Variants in AFF3 observed in about 807,000 individuals in gnomAD.
The protein encoded by AFF3 is AF4/FMR2 family member 3.
A neutral mutation model predicts 129.7 loss-of-function variants in AFF3; 32 were observed. The ratio of observed to expected loss-of-function variants is 0.25; its 90% confidence interval spans 0.19 to 0.33. AFF3 has a LOEUF of 0.33. Ranked by LOEUF, AFF3 falls within the 10% of genes least tolerant of loss-of-function variation. The pLI is 1.00. For missense variants in AFF3, 1,373 were observed against 1,592.0 expected (o/e 0.86, Z 2.34); for synonymous variants, 644 against 635.4 (o/e 1.01, Z -0.20).
At chr2:99,856,333 A>G (rs567021258) in intron 7 of AFF3, among the ~76,000 whole-genome samples, 1 of 152,324 alleles carries the variant, frequency 6.6e-6, no homozygotes, top group African/African-American at 2.4e-5. Flanking sequence ...GATATAATCC[A>G]AAATTACTAG....
intron 21 of AFF3, among the ~76,000 whole-genome samples, chr2:99,560,073 C>G (rs1241646513): frequency 6.6e-6 from 1 of 152,158 alleles, no homozygotes; most frequent in Non-Finnish European, 1.5e-5. Flanking sequence ...CCAGCCTGAC[C>G]AACATGGTGA....
intron 8 of AFF3, among the ~76,000 whole-genome samples, chr2:99,780,153 A>G (rs532114832): frequency 6.6e-6 from 1 of 152,244 alleles, no homozygotes; most frequent in South Asian, 2.1e-4. Context: ...AGCAGACTAG[A>G]GCAACTATCC....
intron 15 of AFF3, among the ~76,000 whole-genome samples, chr2:99,589,478 T>G (rs1054671663): frequency 2.8e-5 from 4 of 145,278 alleles, no homozygotes; most frequent in Non-Finnish European, 4.5e-5. Flanking sequence ...CTCAGCTCAG[T>G]GCAGCCTCTG....
chr2:99,884,926 CCCACATTT>C (rs1692993836), intron 7 of AFF3, among the ~76,000 whole-genome samples: 1 of 152,120 alleles, frequency 6.6e-6, no homozygotes, highest in African/African-American at 2.4e-5. Flanking sequence ...CATTTGTATT[CCCACATTT>C]TTTGTGTTCT....
intron 8 of AFF3, among the ~76,000 whole-genome samples, chr2:99,788,029 T>C (rs1575985148): frequency 6.6e-6 from 1 of 152,230 alleles, no homozygotes; most frequent in Non-Finnish European, 1.5e-5. Flanking sequence ...ATAGCCATTG[T>C]AATGTCACAG....
chr2:100,020,021 C>T (rs1257124331), intron 4 of AFF3, among the ~76,000 whole-genome samples: 3 of 152,124 alleles, frequency 2.0e-5, no homozygotes, highest in Non-Finnish European at 2.9e-5. Context: ...CCTCCCTGAC[C>T]CTCTTTCTTG....
chr2:99,577,549 T>C (rs1239232575), intron 18 of AFF3, among the ~76,000 whole-genome samples: 2 of 152,206 alleles, frequency 1.3e-5, no homozygotes, highest in African/African-American at 4.8e-5. Flanking sequence ...CTGCTGCTGC[T>C]CCACCCCAGA....
chr2:99,823,360 G>A (rs1014746723), intron 8 of AFF3, among the ~76,000 whole-genome samples: 2 of 151,968 alleles, frequency 1.3e-5, no homozygotes, highest in African/African-American at 2.4e-5. Flanking sequence ...GCCAGAGAAG[G>A]GAAAGCTACA....
At chr2:99,774,820 G>A (rs1683762878) in intron 8 of AFF3, among the ~76,000 whole-genome samples, 1 of 151,828 alleles carries the variant, frequency 6.6e-6, no homozygotes, top group African/African-American at 2.4e-5. Context: ...TACAGAATGG[G>A]AGAAAATTTT....
intron 13 of AFF3, among the ~76,000 whole-genome samples, chr2:99,641,291 C>G (rs1684166722): frequency 6.6e-6 from 1 of 152,232 alleles, no homozygotes; most frequent in South Asian, 2.1e-4. Context: ...AACTCTGGAG[C>G]TGCACAGACC....
intron 4 of AFF3, among the ~76,000 whole-genome samples, chr2:100,079,498 C>T (rs1480936697): frequency 6.6e-6 from 1 of 152,196 alleles, no homozygotes; most frequent in Non-Finnish European, 1.5e-5. Flanking sequence ...CTCTTGCCTG[C>T]TGCACCTTAT....
At chr2:99,650,663 T>C (rs150612228) in intron 12 of AFF3, among the ~76,000 whole-genome samples, 4,073 of 152,224 alleles carry the variant, frequency 0.027, 76 homozygotes, top group Non-Finnish European at 0.044. Context: ...TGAGAACTGC[T>C]GACGTTAGGC....
intron 7 of AFF3, among the ~76,000 whole-genome samples, chr2:99,978,337 C>A (rs1223996127): frequency 6.7e-6 from 1 of 149,970 alleles, no homozygotes; most frequent in Non-Finnish European, 1.5e-5. Flanking sequence ...CTAATAAGCT[C>A]AATATGGAAA....
chr2:100,060,237 C>T (rs1024693888), intron 4 of AFF3, among the ~76,000 whole-genome samples: 4 of 152,166 alleles, frequency 2.6e-5, no homozygotes, highest in Admixed American at 2.0e-4. Flanking sequence ...CCTGGTGCTA[C>T]AACAGAGATG....
At chr2:100,131,744 A>G (rs1036718118) in intron 1 of AFF3, among the ~76,000 whole-genome samples, 4 of 152,192 alleles carry the variant, frequency 2.6e-5, no homozygotes, top group African/African-American at 9.6e-5. Context: ...ACAGGCGTGG[A>G]TAAACATTTT....
At chr2:99,798,850 G>T (rs1685734616) in intron 8 of AFF3, among the ~76,000 whole-genome samples, 1 of 151,954 alleles carries the variant, frequency 6.6e-6, no homozygotes, top group African/African-American at 2.4e-5. Context: ...ATTATAGTCA[G>T]AGATTTCAGT....
Position 99,548,698 on chromosome 2 carries a change from G to A in AFF3, c.*2776C>T, listed in dbSNP as rs1048183362. 7 of 225,126 alleles carry A rather than the reference G, an allele frequency of 3.1e-5. No individual in the cohort carries two copies. The highest frequency in any genetic ancestry group is 6.4e-5 in the East Asian group (1 of 15,596). 13.9% of individuals were successfully genotyped at this position (225,126 alleles called of 1,614,324 possible). A position where few individuals can be genotyped will look rare whatever the true frequency, so the allele number is the denominator to read the frequency against. On this transcript the variant is annotated 3_prime_UTR_variant, in exon 25 of 25. Transcript: ENST00000672756. ...TTTGAGGCTGCAGGGAGCCATGATC[G>A]CGCCACCGCATTCCAGCTTGGGCTA... is the stretch of plus-strand genomic sequence containing the variant.
chr2:100,134,933 A>G (rs1470059256), intron 1 of AFF3, among the ~76,000 whole-genome samples: 2 of 152,328 alleles, frequency 1.3e-5, no homozygotes, highest in South Asian at 2.1e-4. Flanking sequence ...TGGCTATTTT[A>G]TACAAGGTGG....
intron 20 of AFF3, among the ~76,000 whole-genome samples, chr2:99,564,190 T>C (rs566630976): frequency 5.9e-5 from 9 of 152,298 alleles, no homozygotes; most frequent in South Asian, 2.1e-4. Flanking sequence ...GGGCTGAGGA[T>C]TCCCCAGTTA....
Sources: gnomAD v4.1 joint callset for allele counts (sites outside exome capture counted in the v4.1 genomes callset) on GRCh38, gnomAD v4.1.1 for gene constraint, MANE v1.5 for transcripts, NCBI Gene and HGNC (gene_info 2026-07-23, HGNC 2026-07-21) for gene names.